Variants in CEP162 observed in about 807,000 individuals in gnomAD.
The protein encoded by CEP162 is centrosomal protein 162.
Under a neutral mutation model 169.2 loss-of-function variants are expected in CEP162, and 141 were observed. That is an observed-to-expected ratio of 0.83 (90% CI 0.73 to 0.96). The LOEUF is 0.96. CEP162 is among the 40% of genes least tolerant of loss of function. The pLI, the probability that CEP162 is intolerant of heterozygous loss-of-function variation, is 0.00. For missense variants in CEP162, 1,600 were observed against 1,587.2 expected (o/e 1.01, Z -0.14); for synonymous variants, 540 against 526.4 (o/e 1.03, Z -0.35).
intron 18 of CEP162, 53 bp from the exon 19 acceptor site, chr6:84,163,323 G>A: frequency 1.5e-6 from 2 of 1,332,354 alleles, no homozygotes; most frequent in Non-Finnish European, 2.1e-6. Flanking sequence ...ACAATAAATT[G>A]TGGTATAGTC....
chr6:84,193,891 A>C (rs1315707692), intron 10 of CEP162, among the ~76,000 whole-genome samples: 1 of 152,236 alleles, frequency 6.6e-6, no homozygotes, highest in Non-Finnish European at 1.5e-5. Flanking sequence ...CTCAAATATC[A>C]ATATCAAATA....
At chr6:84,162,504 G>A (rs186940178) in intron 19 of CEP162, among the ~76,000 whole-genome samples, 2 of 152,168 alleles carry the variant, frequency 1.3e-5, no homozygotes, top group Admixed American at 6.5e-5. Flanking sequence ...GCAAACAAGG[G>A]CTCCTCTGAT....
chr6:84,212,240 C>T (rs879178014), intron 6 of CEP162, among the ~76,000 whole-genome samples: 1 of 152,040 alleles, frequency 6.6e-6, no homozygotes, highest in Non-Finnish European at 1.5e-5. Flanking sequence ...GAATACAAAG[C>T]ACTGGGAATG....
chr6:84,135,513 A>G (rs989225284), intron 25 of CEP162, among the ~76,000 whole-genome samples: 2 of 152,312 alleles, frequency 1.3e-5, no homozygotes, highest in East Asian at 3.9e-4. Context: ...GTAATCTTAG[A>G]AACTACACAT....
At position 84,215,458 on chromosome 6, in the gene CEP162, T is replaced by C. The variant is rs1413626467; in HGVS notation, c.327A>G (p.Val109=). The change falls in exon 5 of 27, where the codon GTA becomes GTG. Residue 109 remains valine (V), a synonymous_variant. Coordinates refer to ENST00000403245, the MANE Select transcript of CEP162 (RefSeq NM_014895.4). ...STDSLETNEL[V]VSELNHSSLG... Reference sequence around the variant, plus strand: ...GACTACTATGGTTGAGCTCAGAAACTACTAGTTCTAAATGGAAAGCACAAA... The same window carrying C: ...GACTACTATGGTTGAGCTCAGAAACCACTAGTTCTAAATGGAAAGCACAAA... 6.3e-7 allele frequency: 1 copy of C among 1,574,962 alleles called. No homozygotes were observed. Among genetic ancestry groups the C allele is most frequent in the South Asian group, 1.2e-5 (1 of 81,608 alleles).
In CEP162 at chr6:84,174,078, T is replaced by C. The variant is rs527879225; in HGVS notation, c.2136A>G (p.Glu712=). ...GATATCCTTGAAGAAGTGTCTCTTGTTCTTGTATTTCTTTTTGGATTTGCT... is the reference window on the plus strand; with the variant it reads ...GATATCCTTGAAGAAGTGTCTCTTGCTCTTGTATTTCTTTTTGGATTTGCT... ...KLKQIQKEIQ[E]QETLLQGYQQ... is the part of the protein sequence containing the mutation. The change falls in exon 16 of 27, where the codon GAA becomes GAG. Residue 712 remains glutamate (E), a synonymous_variant. Transcript: ENST00000403245. 1 of 1,612,774 alleles carries C rather than the reference T, an allele frequency of 6.2e-7. No individual in the cohort carries two copies. The highest frequency in any genetic ancestry group is 1.7e-5 in the Admixed American group (1 of 59,870).
rs144046606 is a variant in CEP162, at chr6:84,176,658, T to A, written c.1664-1311A>T. On this transcript the variant is annotated intron_variant, in intron 13 of 26. Coordinates refer to ENST00000403245, the MANE Select transcript of CEP162 (RefSeq NM_014895.4). The stretch of plus-strand genomic sequence containing the variant: ...ACAGGAACGTTTAGGATTTTGGATT[T>A]TTGGATTGGAGATGCTAAACTGGTA... Among the ~76,000 whole-genome samples the A allele has an allele frequency of 9.2e-5, 14 of 152,334 alleles. No individual in the cohort carries two copies. In the East Asian group the frequency reaches 2.7e-3, roughly 29 times the overall value.
At chr6:84,161,176 G>A (rs1012802879) in intron 20 of CEP162, among the ~76,000 whole-genome samples, 4 of 152,010 alleles carry the variant, frequency 2.6e-5, no homozygotes, top group African/African-American at 7.2e-5. Context: ...GAGTTGATAA[G>A]CTAATAAATA....
chr6:84,169,275 A>G, intron 18 of CEP162, 53 bp downstream of exon 18: 2 of 987,930 alleles, frequency 2.0e-6, no homozygotes, highest in Non-Finnish European at 3.0e-6. Flanking sequence ...AAAAATGGGG[A>G]TTTTTATAAA....
At position 84,201,283 on chromosome 6, in the gene CEP162, C is replaced by CAACAAACA. The variant is rs143611774; in HGVS notation, c.719-386_719-379dup. On this transcript the variant is annotated intron_variant, in intron 8 of 26. Transcript: ENST00000403245. Reference sequence around the variant, plus strand: ...ACAGAGCGAGAGTCTGTCTCACAAACAACAAACAAACAAACAAACAAACAA... The same window carrying CAACAAACA: ...ACAGAGCGAGAGTCTGTCTCACAAACAACAAACAAACAAACAAACAAACAAACAAACAA... Among the ~76,000 whole-genome samples the CAACAAACA allele has an allele frequency of 9.5e-3, 1,442 of 151,366 alleles. 31 individuals are homozygous for CAACAAACA. Among genetic ancestry groups the CAACAAACA allele is most frequent in the African/African-American group, 0.033 (1,350 of 41,032 alleles).
At chr6:84,191,525 T>C (rs2099539887) in intron 11 of CEP162, among the ~76,000 whole-genome samples, 2 of 152,388 alleles carry the variant, frequency 1.3e-5, no homozygotes, top group Non-Finnish European at 2.9e-5. Context: ...GTGTATCTAC[T>C]GGTTCCACCA....
intron 23 of CEP162, among the ~76,000 whole-genome samples, chr6:84,149,919 A>G (rs1299331226): frequency 6.6e-6 from 1 of 150,922 alleles, no homozygotes; most frequent in Non-Finnish European, 1.5e-5. Context: ...TTATAAGGGC[A>G]AACTTGAGGA....
At chr6:84,213,549 T>C (rs1325834524) in intron 5 of CEP162, among the ~76,000 whole-genome samples, 1 of 152,230 alleles carries the variant, frequency 6.6e-6, no homozygotes, top group Non-Finnish European at 1.5e-5. Context: ...TTAGTTCATA[T>C]ACTGCTTTCT....
intron 13 of CEP162, among the ~76,000 whole-genome samples, chr6:84,178,992 A>T (rs939233477): frequency 6.6e-6 from 1 of 152,112 alleles, no homozygotes; most frequent in Non-Finnish European, 1.5e-5. Flanking sequence ...ACATGAACTC[A>T]TCCTTTTTTA....
chr6:84,207,187 A>C lies in CEP162; in HGVS notation c.572-3091T>G, dbSNP rs569935686. Among the ~76,000 whole-genome samples the C allele has an allele frequency of 2.0e-5, 3 of 152,332 alleles. No individual in the cohort carries two copies. The South Asian group carries it at 6.2e-4, about 32-fold the overall frequency. On this transcript the variant is annotated intron_variant, in intron 6 of 26. Transcript: ENST00000403245. ...ATTCCTCAAGGATCTAGAACTAGAA[A>C]TACCATTTGACCCAGCGATCCCATT...
At chr6:84,223,610 GA>G (rs1308948737) in intron 2 of CEP162, among the ~76,000 whole-genome samples, 1 of 150,244 alleles carries the variant, frequency 6.7e-6, no homozygotes, top group African/African-American at 2.5e-5. Flanking sequence ...AGGATATGGA[GA>G]AACTGGAACT....
chr6:84,197,825 C>CAAAAAAAAAAA (rs564556727), intron 9 of CEP162, among the ~76,000 whole-genome samples: 1 of 64,178 alleles, frequency 1.6e-5, no homozygotes. Context: ...TCAAACAAAA[C>CAAAAAAAAAAA]AAAAAAAAAA....
intron 2 of CEP162, among the ~76,000 whole-genome samples, chr6:84,221,752 C>G (rs2099553813): frequency 6.6e-6 from 1 of 152,070 alleles, no homozygotes; most frequent in South Asian, 2.1e-4. Flanking sequence ...ACTTGGTCAC[C>G]CTTTTCTCTG....
At position 84,174,057 on chromosome 6, in the gene CEP162, T is replaced by A; in HGVS notation, c.2157A>T (p.Gly719=). The A allele has an allele frequency of 1.2e-6, 2 of 1,611,156 alleles. No individual in the cohort carries two copies. The highest frequency in any genetic ancestry group is 8.5e-7 in the Non-Finnish European group (1 of 1,178,922). ...TGAAGAATTGCCATACCTGTTGATA[T>A]CCTTGAAGAAGTGTCTCTTGTTCTT... is the stretch of plus-strand genomic sequence containing the variant. ...EIQEQETLLQ[G]YQQENERLYN... Residue 719 remains glycine, a synonymous_variant, in exon 16 of 27, where the codon GGA becomes GGT. Coordinates refer to ENST00000403245, the MANE Select transcript of CEP162 (RefSeq NM_014895.4).
Sources: allele counts gnomAD v4.1 joint callset (sites outside exome capture counted in the v4.1 genomes callset), GRCh38; gene constraint gnomAD v4.1.1; transcripts MANE v1.5; gene names NCBI Gene and HGNC (gene_info 2026-07-23, HGNC 2026-07-21).